Variants in TRPM3 observed in about 807,000 individuals in gnomAD.
TRPM3 encodes the protein long transient receptor potential channel 3.
TRPM3 carries 77 observed loss-of-function variants against 181.2 expected under a neutral mutation model. The observed-to-expected ratio is 0.42, with a 90% CI of 0.35 to 0.51. The LOEUF (loss-of-function observed/expected upper bound fraction) is 0.51, where lower values mean the gene tolerates loss of function less well. Ranked by LOEUF, TRPM3 falls within the 20% of genes least tolerant of loss-of-function variation. The pLI is 0.01. For synonymous variants in TRPM3, 745 were observed against 796.4 expected (o/e 0.94, Z 1.09); for missense variants, 1,759 against 2,196.7 (o/e 0.80, Z 3.98).
At chr9:70,541,951 G>A (rs1418351152) in intron 25 of TRPM3, among the ~76,000 whole-genome samples, 1 of 152,140 alleles carries the variant, frequency 6.6e-6, no homozygotes, top group Non-Finnish European at 1.5e-5. Flanking sequence ...GAGGAGACAT[G>A]GTTTCTACGA....
intron 1 of TRPM3, among the ~76,000 whole-genome samples, chr9:71,061,349 G>T (rs973959315): frequency 1.3e-5 from 2 of 152,092 alleles, no homozygotes; most frequent in Non-Finnish European, 2.9e-5. Context: ...CTCAAATGCA[G>T]TTGCACATGG....
intron 9 of TRPM3, among the ~76,000 whole-genome samples, chr9:70,672,583 G>T (rs563381608): frequency 6.6e-6 from 1 of 152,132 alleles, no homozygotes; most frequent in African/African-American, 2.4e-5. Flanking sequence ...CCCAGTTTCA[G>T]CAATATTCCA....
At chr9:71,261,090 A>T (rs191176867) in intron 1 of TRPM3, among the ~76,000 whole-genome samples, 1 of 152,250 alleles carries the variant, frequency 6.6e-6, no homozygotes, top group African/African-American at 2.4e-5. Flanking sequence ...TAATATTCTG[A>T]AGAGTGTTTT....
intron 1 of TRPM3, among the ~76,000 whole-genome samples, chr9:71,282,658 CTTGT>C (rs1335014145): frequency 6.6e-6 from 1 of 152,288 alleles, no homozygotes; most frequent in East Asian, 1.9e-4. Flanking sequence ...CATGCTCTTT[CTTGT>C]TTAAGACTCA....
At chr9:70,926,449 C>T (rs1238228128) in intron 1 of TRPM3, among the ~76,000 whole-genome samples, 2 of 151,850 alleles carry the variant, frequency 1.3e-5, no homozygotes, top group African/African-American at 4.8e-5. Context: ...TAGAGAGATG[C>T]ACAAAAAAAT....
intron 1 of TRPM3, among the ~76,000 whole-genome samples, chr9:70,995,712 T>C (rs2097535640): frequency 1.3e-5 from 2 of 152,160 alleles, no homozygotes. Flanking sequence ...TCCAGACGTA[T>C]GGGCAAGATG....
chr9:71,207,686 A>C (rs764211879), intron 1 of TRPM3, among the ~76,000 whole-genome samples: 11 of 152,152 alleles, frequency 7.2e-5, no homozygotes, highest in Non-Finnish European at 1.6e-4. Flanking sequence ...AAACTCTTTG[A>C]ATCAGATATT....
chr9:70,768,196 T>C (rs1170353027), intron 7 of TRPM3, among the ~76,000 whole-genome samples: 1 of 152,230 alleles, frequency 6.6e-6, no homozygotes, highest in Non-Finnish European at 1.5e-5. Context: ...CACCATTTCC[T>C]TTAAAGTAAT....
rs1028025139 is a variant in TRPM3, at chr9:70,537,198, G to A, written c.3915C>T (p.Ala1305=). 5.0e-6 allele frequency: 8 copies of A among 1,594,800 alleles called. No homozygotes were observed. The highest frequency in any genetic ancestry group is 1.1e-5 in the South Asian group (1 of 89,790). ...TGAAGCTGCTCTGACGGACAATGTA[G>A]GCGGCGTCCGTGCAGTCTGACGAGG... ...SRTSSDCTDA[A]YIVRQSSFNS... Residue 1305 remains alanine (A), a synonymous_variant, in exon 26 of 26, where the codon GCC becomes GCT. Transcript: ENST00000677713.
At chr9:70,759,139 AAAAC>A (rs1164362549) in intron 8 of TRPM3, among the ~76,000 whole-genome samples, 8 of 152,362 alleles carry the variant, frequency 5.3e-5, no homozygotes, top group Admixed American at 6.5e-5. Context: ...TTACAAGAAA[AAAAC>A]AAACAACCCC....
chr9:70,885,593 C>A (rs2132753571), intron 1 of TRPM3, among the ~76,000 whole-genome samples: 1 of 152,300 alleles, frequency 6.6e-6, no homozygotes, highest in Admixed American at 6.5e-5. Context: ...CTAGCCCTGG[C>A]ATTCACACTT....
intron 1 of TRPM3, among the ~76,000 whole-genome samples, chr9:71,256,734 A>T (rs2082698325): frequency 6.6e-6 from 1 of 152,186 alleles, no homozygotes. Flanking sequence ...CTGCAAGAAC[A>T]GATGCCACGT....
intron 1 of TRPM3, among the ~76,000 whole-genome samples, chr9:71,047,526 G>C (rs1017929536): frequency 1.3e-5 from 2 of 152,142 alleles, no homozygotes; most frequent in African/African-American, 4.8e-5. Context: ...CCACCGATAG[G>C]TTGATTTGAC....
At chr9:71,441,607 C>G (rs376958535) in intron 1 of TRPM3, among the ~76,000 whole-genome samples, 10 of 145,102 alleles carry the variant, frequency 6.9e-5, no homozygotes, top group Non-Finnish European at 3.0e-5. Flanking sequence ...GTTTTTCTGA[C>G]TTTAGTTTTG....
At chr9:71,075,940 G>A (rs1226616897) in intron 1 of TRPM3, among the ~76,000 whole-genome samples, 2 of 152,080 alleles carry the variant, frequency 1.3e-5, no homozygotes, top group Non-Finnish European at 2.9e-5. Flanking sequence ...GGAAATCACT[G>A]GTCATAGCAA....
At chr9:71,323,932 T>C (rs2089456354) in intron 1 of TRPM3, among the ~76,000 whole-genome samples, 1 of 152,158 alleles carries the variant, frequency 6.6e-6, no homozygotes, top group Non-Finnish European at 1.5e-5. Flanking sequence ...ACTGAATCCT[T>C]TGGCTTAAGC....
At chr9:71,134,008 TGTGTGTGCGCGTGC>T (rs1241201192) in intron 1 of TRPM3, among the ~76,000 whole-genome samples, 27 of 87,924 alleles carry the variant, frequency 3.1e-4, no homozygotes, top group African/African-American at 1.2e-3. Context: ...TGTGTGTGTG[TGTGTGTGCGCGTGC>T]GCGCGCGCGC....
At chr9:70,828,422 C>A (rs2093684311) in intron 5 of TRPM3, among the ~76,000 whole-genome samples, 1 of 152,114 alleles carries the variant, frequency 6.6e-6, no homozygotes, top group African/African-American at 2.4e-5. Context: ...CACAGCAGAA[C>A]AATTATAATT....
At chr9:71,191,042 C>G (rs1271076717) in intron 1 of TRPM3, among the ~76,000 whole-genome samples, 1 of 151,832 alleles carries the variant, frequency 6.6e-6, no homozygotes, top group Non-Finnish European at 1.5e-5. Flanking sequence ...CCCATGTATT[C>G]CTTACCATAG....
Sources: allele counts gnomAD v4.1 joint callset (sites outside exome capture counted in the v4.1 genomes callset), GRCh38; gene constraint gnomAD v4.1.1; transcripts MANE v1.5; gene names NCBI Gene and HGNC (gene_info 2026-07-23, HGNC 2026-07-21).